Variants in RASSF9 observed in about 807,000 individuals in gnomAD.
RASSF9 encodes the protein ras association domain-containing protein 9.
A neutral mutation model predicts 21.4 loss-of-function variants in RASSF9; 18 were observed. The observed-to-expected ratio is 0.84, with a 90% CI of 0.58 to 1.25. The LOEUF is 1.25. RASSF9 is among the 50% of genes most tolerant of loss of function. RASSF9 has a pLI of 0.00. For missense variants in RASSF9, 480 were observed against 503.2 expected (o/e 0.95, Z 0.44); for synonymous variants, 183 against 179.1 (o/e 1.02, Z -0.18).
chr12:85,821,705 A>T (rs1880214869), intron 1 of RASSF9, among the ~76,000 whole-genome samples: 1 of 152,064 alleles, frequency 6.6e-6, no homozygotes, highest in Non-Finnish European at 1.5e-5. Flanking sequence ...TCTGTGCTCT[A>T]CTAATGCTAC....
Position 85,803,829 on chromosome 12 carries a change from T to A in RASSF9, c.*873A>T, listed in dbSNP as rs1231662311. Reference sequence around the variant, plus strand: ...TGTAGGTTCAGAGACAAAATGCTAATAATTATAGCAGATTCTATTTTATCC... The same window carrying A: ...TGTAGGTTCAGAGACAAAATGCTAAAAATTATAGCAGATTCTATTTTATCC... On this transcript the variant is annotated 3_prime_UTR_variant, in exon 2 of 2. Transcript: ENST00000361228. The A allele has an allele frequency of 3.9e-5, 6 of 152,202 alleles. No individual in the cohort carries two copies. Among genetic ancestry groups the A allele is most frequent in the Admixed American group, 3.3e-4 (5 of 15,284 alleles). The allele number at this position is 152,202 out of a possible 1,614,324, so 9.4% of individuals were successfully genotyped here.
chr12:85,813,120 G>T (rs1371783419), intron 1 of RASSF9, among the ~76,000 whole-genome samples: 2 of 151,660 alleles, frequency 1.3e-5, no homozygotes, highest in African/African-American at 2.4e-5. Flanking sequence ...TAATTATTCA[G>T]GTTTTGCCTT....
chr12:85,826,897 C>T (rs972623128), intron 1 of RASSF9, among the ~76,000 whole-genome samples: 8 of 152,098 alleles, frequency 5.3e-5, no homozygotes, highest in African/African-American at 1.4e-4. Flanking sequence ...ATCTGTTTGG[C>T]CATTCACAAA....
chr12:85,821,912 T>G (rs1435672454), intron 1 of RASSF9, among the ~76,000 whole-genome samples: 1 of 152,118 alleles, frequency 6.6e-6, no homozygotes, highest in African/African-American at 2.4e-5. Context: ...CGGAAATTGA[T>G]TATAGTCCAA....
At chr12:85,809,529 C>T (rs1233571903) in intron 1 of RASSF9, among the ~76,000 whole-genome samples, 1 of 151,990 alleles carries the variant, frequency 6.6e-6, no homozygotes, top group Non-Finnish European at 1.5e-5. Flanking sequence ...TCTCATGTAA[C>T]CAAAAACCTC....
At chr12:85,830,100 A>C (rs1372984792) in intron 1 of RASSF9, among the ~76,000 whole-genome samples, 2 of 152,122 alleles carry the variant, frequency 1.3e-5, no homozygotes, top group African/African-American at 4.8e-5. Context: ...AATGAGTAGG[A>C]GATATGCTCC....
chr12:85,835,225 T>C (rs1880532936), intron 1 of RASSF9, among the ~76,000 whole-genome samples: 1 of 152,132 alleles, frequency 6.6e-6, no homozygotes, highest in Non-Finnish European at 1.5e-5. Flanking sequence ...TTATGACAAG[T>C]ACAAACAGGC....
Position 85,804,899 on chromosome 12 carries a change from T to A in RASSF9, c.1111A>T (p.Asn371Tyr). 1 of 1,613,824 alleles carries A rather than the reference T, an allele frequency of 6.2e-7. No individual in the cohort carries two copies. The highest frequency in any genetic ancestry group is 8.5e-7 in the Non-Finnish European group (1 of 1,179,730). ...AKEFNSLHIS[N>Y]KDGCQLKENR... ...TCCTTTAACTGGCACCCATCTTTGT[T>A]GCTAATGTGAAGTGAATTGAATTCC... The change falls in exon 2 of 2, where the codon AAC becomes TAC. Residue 371 changes from asparagine (N) to tyrosine (Y), a missense_variant. Coordinates refer to ENST00000361228, the MANE Select transcript of RASSF9 (RefSeq NM_005447.4).
At chr12:85,835,354 G>C (rs1880536173) in intron 1 of RASSF9, among the ~76,000 whole-genome samples, 1 of 152,114 alleles carries the variant, frequency 6.6e-6, no homozygotes, top group African/African-American at 2.4e-5. Context: ...AACATTTGAT[G>C]TGTAAATAAA....
At chr12:85,808,366 T>A (rs17280216) in intron 1 of RASSF9, among the ~76,000 whole-genome samples, 50,524 of 151,874 alleles carry the variant, frequency 0.33, 8,837 homozygotes, top group Non-Finnish European at 0.36. Flanking sequence ...CCAAGTTGTG[T>A]TAATTCTCTT....
intron 1 of RASSF9, among the ~76,000 whole-genome samples, chr12:85,826,521 C>T (rs1880337473): frequency 6.9e-6 from 1 of 145,852 alleles, no homozygotes; most frequent in Non-Finnish European, 1.5e-5. Flanking sequence ...GATTTCGGTT[C>T]ACTGCAAGCT....
chr12:85,834,489 T>A (rs989073353), intron 1 of RASSF9, among the ~76,000 whole-genome samples: 4 of 152,132 alleles, frequency 2.6e-5, no homozygotes, highest in African/African-American at 9.7e-5. Context: ...AGAACTGATG[T>A]AATGAAATTG....
intron 1 of RASSF9, among the ~76,000 whole-genome samples, chr12:85,807,593 A>T (rs17345787): frequency 0.062 from 9,473 of 152,120 alleles, 347 homozygotes; most frequent in Non-Finnish European, 0.079. Flanking sequence ...TCATAAAGGA[A>T]TCAGAGTTGG....
Position 85,822,366 on chromosome 12 carries a change from G to A in RASSF9, c.47+13789C>T, listed in dbSNP as rs575533033. On this transcript the variant is annotated intron_variant, in intron 1 of 1. Coordinates refer to ENST00000361228, the MANE Select transcript of RASSF9 (RefSeq NM_005447.4). ...TAGCTGAAAACATGAGGTGAGCCCC[G>A]TTATCCCTGACTTCCATTTTCTGAA... Among the ~76,000 whole-genome samples, 352 of 152,222 alleles carry A rather than the reference G, an allele frequency of 2.3e-3. 6 individuals are homozygous for A. In the South Asian group the frequency reaches 0.039, roughly 17 times the overall value.
chr12:85,822,614 A>G (rs2136559536), intron 1 of RASSF9, among the ~76,000 whole-genome samples: 1 of 152,338 alleles, frequency 6.6e-6, no homozygotes, highest in South Asian at 2.1e-4. Flanking sequence ...CTAATCATCT[A>G]TATCAAAAGT....
Position 85,805,213 on chromosome 12 carries a change from A to G in RASSF9, c.797T>C (p.Ile266Thr). 3.7e-6 allele frequency: 6 copies of G among 1,613,814 alleles called. No homozygotes were observed. The highest frequency in any genetic ancestry group is 1.1e-5 in the South Asian group (1 of 91,072). ...TLEDLSESDG[I>T]EQLEERLKYY... ...TTTCAGTCGTTCTTCCAGCTGTTCA[A>G]TTCCATCACTTTCGCTCAGGTCCTC... Residue 266 changes from isoleucine to threonine, a missense_variant, in exon 2 of 2, where the codon ATT (isoleucine) becomes ACT (threonine). Coordinates refer to ENST00000361228, the MANE Select transcript of RASSF9 (RefSeq NM_005447.4).
chr12:85,813,961 A>G (rs1427680874), intron 1 of RASSF9, among the ~76,000 whole-genome samples: 1 of 151,998 alleles, frequency 6.6e-6, no homozygotes, highest in Non-Finnish European at 1.5e-5. Flanking sequence ...CAATCTAGCT[A>G]CTGTGTAAAG....
intron 1 of RASSF9, among the ~76,000 whole-genome samples, chr12:85,826,244 G>A (rs1294516687): frequency 6.6e-6 from 1 of 152,022 alleles, no homozygotes; most frequent in East Asian, 1.9e-4. Context: ...TGACACACAT[G>A]TATCTCCAGT....
chr12:85,830,787 A>G (rs1565757961), intron 1 of RASSF9, among the ~76,000 whole-genome samples: 1 of 152,148 alleles, frequency 6.6e-6, no homozygotes, highest in Non-Finnish European at 1.5e-5. Context: ...GATCATTTAT[A>G]TTAGTAATCA....
Sources: gnomAD v4.1 joint callset for allele counts (sites outside exome capture counted in the v4.1 genomes callset) on GRCh38, gnomAD v4.1.1 for gene constraint, MANE v1.5 for transcripts, NCBI Gene and HGNC (gene_info 2026-07-23, HGNC 2026-07-21) for gene names.